APOO: variants seen among roughly 807,000 people sequenced by gnomAD.
APOO encodes MICOS complex subunit MIC26.
In APOO, 11 loss-of-function variants were observed where a neutral mutation model predicts 23.1. The observed-to-expected ratio is 0.48, with a 90% CI of 0.30 to 0.79. APOO has a LOEUF of 0.79. Ranked by LOEUF, APOO falls within the 30% of genes least tolerant of loss-of-function variation. The pLI is 0.07. For synonymous variants in APOO, 59 were observed against 54.8 expected, an observed-to-expected ratio of 1.08 and a Z score of -0.34; for missense variants, 160 against 142.7, an observed-to-expected ratio of 1.12 and a Z score of -0.62.
chrX:23,850,983 A>G (rs1344484368), intron 7 of APOO, among the ~76,000 whole-genome samples: 1 of 111,597 alleles, frequency 9.0e-6, no homozygotes, highest in Non-Finnish European at 1.9e-5. Flanking sequence ...TATATATATA[A>G]TATGTATATT....
At chrX:23,836,881 T>C (rs1923705819) in intron 8 of APOO, 7 of 1,050,103 alleles carry the variant, frequency 6.7e-6, no homozygotes, top group African/African-American at 1.9e-5. Flanking sequence ...GTCATTTCCT[T>C]CAAGGATTAA....
At chrX:23,881,947 CAAAAAAAAAAAAAAA>C (rs56820853) in intron 1 of APOO, among the ~76,000 whole-genome samples, 21 of 31,812 alleles carry the variant, frequency 6.6e-4, no homozygotes, top group Non-Finnish European at 2.6e-4. Flanking sequence ...GACTCCACCT[CAAAAAAAAAAAAAAA>C]AAAAAAAAAA....
chrX:23,858,618 C>A, intron 6 of APOO, 24 bp downstream of exon 6: 1 of 1,176,910 alleles, frequency 8.5e-7, no homozygotes, highest in Non-Finnish European at 1.2e-6. Context: ...TGAGGGACAT[C>A]ATGGATTACA....
intron 5 of APOO, among the ~76,000 whole-genome samples, chrX:23,865,406 C>T (rs1294832498): frequency 1.8e-5 from 2 of 110,390 alleles, no homozygotes; most frequent in African/African-American, 6.6e-5. Flanking sequence ...GAGTTCGAGA[C>T]AAGCCTGGTC....
intron 7 of APOO, among the ~76,000 whole-genome samples, chrX:23,843,910 C>T (rs1000847369): frequency 2.7e-5 from 3 of 112,023 alleles, no homozygotes; most frequent in Non-Finnish European, 5.6e-5. Flanking sequence ...CTAGCAAAAC[C>T]AAAACTTTTT....
intron 4 of APOO, among the ~76,000 whole-genome samples, chrX:23,870,289 T>C (rs2147003823): frequency 9.0e-6 from 1 of 111,201 alleles, no homozygotes; most frequent in African/African-American, 3.3e-5. Context: ...AGTTCACACC[T>C]CTCTCCCTCC....
chrX:23,844,816 G>A (rs1924160583), intron 7 of APOO, among the ~76,000 whole-genome samples: 1 of 112,192 alleles, frequency 8.9e-6, no homozygotes, highest in Admixed American at 9.5e-5. Flanking sequence ...AATGACATAA[G>A]GATTCCTGAC....
chrX:23,860,839 T>TAA (rs113127850), intron 5 of APOO, among the ~76,000 whole-genome samples: 14 of 87,347 alleles, frequency 1.6e-4, no homozygotes, highest in South Asian at 7.1e-4. Flanking sequence ...TCTATTCCTT[T>TAA]AAAAAAAAAA....
intron 1 of APOO, among the ~76,000 whole-genome samples, chrX:23,907,472 G>A (rs1175451989): frequency 2.7e-5 from 3 of 112,415 alleles, no homozygotes; most frequent in East Asian, 2.8e-4. Context: ...AACCCAAAGG[G>A]CCGCCCCCAC....
At chrX:23,897,906 G>C (rs1217899904) in intron 1 of APOO, among the ~76,000 whole-genome samples, 2 of 105,930 alleles carry the variant, frequency 1.9e-5, no homozygotes, top group African/African-American at 6.9e-5. Flanking sequence ...GAGGCAGGAG[G>C]ATCGCTTGAG....
In APOO at chrX:23,859,689, C is replaced by T. The variant is rs757605145; in HGVS notation, c.389-956G>A. Among the ~76,000 whole-genome samples, 682 of 111,362 alleles carry T rather than the reference C, an allele frequency of 6.1e-3. 5 individuals are homozygous for T. Among genetic ancestry groups the T allele is most frequent in the Non-Finnish European group, 0.01 (535 of 53,037 alleles). ...AACTCCTGACCTCAGGTGATCCACCCGCCACGGCCTCCCAAAGTGCTGGGA... is the reference window on the plus strand; with the variant it reads ...AACTCCTGACCTCAGGTGATCCACCTGCCACGGCCTCCCAAAGTGCTGGGA... On this transcript the variant is annotated intron_variant, in intron 5 of 8. Transcript: ENST00000379226.
intron 7 of APOO, among the ~76,000 whole-genome samples, chrX:23,855,232 C>G (rs1449530516): frequency 1.4e-4 from 15 of 108,864 alleles, no homozygotes; most frequent in African/African-American, 5.0e-4. Context: ...ACTATGTTGC[C>G]TAGGCTGGTC....
chrX:23,871,382 T>A (rs1003239509), intron 4 of APOO, among the ~76,000 whole-genome samples: 75 of 97,672 alleles, frequency 7.7e-4, no homozygotes, highest in Non-Finnish European at 1.4e-3. Flanking sequence ...AAAAAAAAAA[T>A]ACTGGATGAA....
At chrX:23,847,887 T>C (rs1924325449) in intron 7 of APOO, among the ~76,000 whole-genome samples, 2 of 106,685 alleles carry the variant, frequency 1.9e-5, no homozygotes, top group Admixed American at 2.1e-4. Context: ...ATTTATATTA[T>C]TTTTTTGAGA....
chrX:23,843,020 AAAAC>A (rs201830144), intron 7 of APOO, among the ~76,000 whole-genome samples: 1,326 of 111,804 alleles, frequency 0.012, 10 homozygotes, highest in Non-Finnish European at 0.017. Flanking sequence ...AAAACAAACA[AAAAC>A]AAACAAACAA....
intron 3 of APOO, among the ~76,000 whole-genome samples, chrX:23,877,153 A>C (rs972095231): frequency 2.7e-5 from 3 of 112,087 alleles, no homozygotes; most frequent in Admixed American, 9.5e-5. Context: ...AACAAACAAA[A>C]AAAACAGACA....
At position 23,868,702 on chromosome X, in the gene APOO, A is replaced by G; in HGVS notation, c.293-14T>C. ...AGTCATAGCTGTCTACAATAGAATTAGACCAGGAAGCAGTTCCATAAATTT... is the reference window on the plus strand; with the variant it reads ...AGTCATAGCTGTCTACAATAGAATTGGACCAGGAAGCAGTTCCATAAATTT... On this transcript the variant is annotated splice_polypyrimidine_tract_variant and intron_variant, in intron 4 of 8. Coordinates refer to ENST00000379226, the MANE Select transcript of APOO (RefSeq NM_024122.5). 1.7e-6 allele frequency: 2 copies of G among 1,171,407 alleles called. No homozygotes were observed. Among genetic ancestry groups the G allele is most frequent in the Non-Finnish European group, 2.3e-6 (2 of 863,270 alleles).
At chrX:23,880,686 G>A (rs1173960769) in intron 2 of APOO, among the ~76,000 whole-genome samples, 159 bp downstream of exon 2, 4 of 103,060 alleles carry the variant, frequency 3.9e-5, no homozygotes, top group Admixed American at 1.1e-4. Flanking sequence ...CAACAAGAGC[G>A]AAACTCCGTC....
At chrX:23,866,108 G>A (rs186415007) in intron 5 of APOO, among the ~76,000 whole-genome samples, 60 of 110,696 alleles carry the variant, frequency 5.4e-4, no homozygotes, top group African/African-American at 1.4e-3. Context: ...TGCTTTCTTT[G>A]GACCTGGAAG....
Sources: allele counts gnomAD v4.1 joint callset (sites outside exome capture counted in the v4.1 genomes callset), GRCh38; gene constraint gnomAD v4.1.1; transcripts MANE v1.5; gene names NCBI Gene and HGNC (gene_info 2026-07-23, HGNC 2026-07-21).